The following SLC7A5 variants were observed in gnomAD, a reference collection of about 807,000 sequenced individuals.
SLC7A5 encodes the protein solute carrier family 7 member 5.
A neutral mutation model predicts 50.2 loss-of-function variants in SLC7A5; 23 were observed. That is an observed-to-expected ratio of 0.46 (90% confidence interval 0.33 to 0.65). The LOEUF is 0.65. Ranked by LOEUF, SLC7A5 falls within the 30% of genes least tolerant of loss-of-function variation. The pLI is 0.02. For synonymous variants in SLC7A5, 393 were observed against 330.6 expected, an observed-to-expected ratio of 1.19 and a Z score of -2.05; for missense variants, 578 against 684.4, an observed-to-expected ratio of 0.84 and a Z score of 1.73.
chr16:87,842,367 A>G (rs899117537), intron 2 of SLC7A5, among the ~76,000 whole-genome samples: 1 of 152,242 alleles, frequency 6.6e-6, no homozygotes, highest in Non-Finnish European at 1.5e-5. Context: ...AAGAAGGGGA[A>G]CCACCTTGGT....
At position 87,837,767 on chromosome 16, in the gene SLC7A5, A is replaced by C. The variant is rs375689832; in HGVS notation, c.1140+78T>G. On this transcript the variant is annotated intron_variant, in intron 7 of 9. Coordinates refer to ENST00000261622, the MANE Select transcript of SLC7A5 (RefSeq NM_003486.7). ...CAGTCCACACCCCAGACAGAGCTGC[A>C]AGCTGTGGCAGCCTCCCTCTGGGAG... is the stretch of plus-strand genomic sequence containing the variant. 18 of 1,194,632 alleles carry C rather than the reference A, an allele frequency of 1.5e-5. No individual in the cohort carries two copies. In the East Asian group the frequency reaches 4.2e-4, roughly 28 times the overall value. The allele number at this position is 1,194,632 out of a possible 1,614,324, so 74.0% of individuals were successfully genotyped here. A position where few individuals can be genotyped will look rare whatever the true frequency, so the allele number is the denominator to read the frequency against.
chr16:87,852,353 G>A lies in SLC7A5; in HGVS notation c.539-504C>T, dbSNP rs1024101021. ...CTGTGGATTCCAACAGAAGTGGGGTGTCCCGCTTTCCCGGAACTACCTGGC... is the reference window on the plus strand; with the variant it reads ...CTGTGGATTCCAACAGAAGTGGGGTATCCCGCTTTCCCGGAACTACCTGGC... On this transcript the variant is annotated intron_variant, in intron 1 of 9. Coordinates refer to ENST00000261622, the MANE Select transcript of SLC7A5 (RefSeq NM_003486.7). This position sits in a 1 kb window ranked among gnomAD's most constrained non-coding sequence, Gnocchi z 4.5. Among the ~76,000 whole-genome samples the A allele has an allele frequency of 2.0e-5, 3 of 152,216 alleles. No individual in the cohort carries two copies. The highest frequency in any genetic ancestry group is 1.9e-4 in the East Asian group (1 of 5,194).
chr16:87,854,035 C>A (rs1457902031), intron 1 of SLC7A5: 2 of 151,236 alleles, frequency 1.3e-5, no homozygotes, highest in Non-Finnish European at 2.9e-5. Context: ...GCCATCAGGG[C>A]TGTCACTGTG....
intron 3 of SLC7A5, 61 bp from the exon 4 acceptor site, chr16:87,840,534 G>A (rs11865049): frequency 0.054 from 75,476 of 1,401,502 alleles, 2,762 homozygotes; most frequent in South Asian, 0.15. Flanking sequence ...TAAATCACCG[G>A]GGAGAGAGCA....
chr16:87,850,375 G>A (rs1045861030), intron 2 of SLC7A5, among the ~76,000 whole-genome samples: 1 of 152,144 alleles, frequency 6.6e-6, no homozygotes, highest in Non-Finnish European at 1.5e-5. Flanking sequence ...GCTGGGTGAG[G>A]ACCTTCCTGC....
chr16:87,856,555 C>T (rs936805567), intron 1 of SLC7A5, among the ~76,000 whole-genome samples: 8 of 152,328 alleles, frequency 5.3e-5, no homozygotes, highest in East Asian at 3.9e-4. Flanking sequence ...TGGCCCCTAG[C>T]GGAGCCAGCA....
chr16:87,863,982 T>TAAAAAAAAA (rs200874231), intron 1 of SLC7A5, among the ~76,000 whole-genome samples: 1 of 107,932 alleles, frequency 9.3e-6, no homozygotes, highest in African/African-American at 3.8e-5. Context: ...TGTGATCATT[T>TAAAAAAAAA]AAAAATATAT....
chr16:87,845,786 G>A (rs67310965), intron 2 of SLC7A5, among the ~76,000 whole-genome samples: 42,798 of 152,060 alleles, frequency 0.28, 6,832 homozygotes, highest in East Asian at 0.66. Context: ...CTCCACAGGC[G>A]GGGAAAGACC....
intron 2 of SLC7A5, among the ~76,000 whole-genome samples, chr16:87,849,457 T>C (rs954977530): frequency 6.6e-6 from 1 of 152,170 alleles, no homozygotes; most frequent in African/African-American, 2.4e-5. Flanking sequence ...CTATTATGTA[T>C]TCAAGTCGAA....
Position 87,830,464 on chromosome 16 carries a change from A to C in SLC7A5, c.*2506T>G, listed in dbSNP as rs1400191375. On this transcript the variant is annotated 3_prime_UTR_variant, in exon 10 of 10. Coordinates refer to ENST00000261622, the MANE Select transcript of SLC7A5 (RefSeq NM_003486.7). ...GTGGAGTGTGGAGAAAAAGGGACGG[A>C]AAAATCAAGTCTTCTGAGACAGTCC... The C allele has an allele frequency of 6.6e-6, 1 of 152,302 alleles. No individual in the cohort carries two copies. Among genetic ancestry groups the C allele is most frequent in the Non-Finnish European group, 1.5e-5 (1 of 68,056 alleles). The allele number at this position is 152,302 out of a possible 1,614,324, so 9.4% of individuals were successfully genotyped here.
chr16:87,838,967 C>T (rs568300837), intron 5 of SLC7A5, 150 bp from the exon 6 acceptor site: 268 of 702,772 alleles, frequency 3.8e-4, no homozygotes, highest in Non-Finnish European at 6.1e-4. Flanking sequence ...ATTCTGGCCT[C>T]TGGGGGGACT....
Position 87,839,711 on chromosome 16 carries a change from G to C in SLC7A5, c.930C>G (p.Ala310=). 1 of 1,613,434 alleles carries C rather than the reference G, an allele frequency of 6.2e-7. No homozygotes were observed. Among genetic ancestry groups the C allele is most frequent in the Non-Finnish European group, 8.5e-7 (1 of 1,179,946 alleles). ...GCGGGTAGCGGCTCACCACGGCCAC[G>C]GCCTCGGACGACAGCATCTGCTCGG... ...LSTEQMLSSE[A]VAVDFGNYHL... The change falls in exon 5 of 10, where the codon GCC becomes GCG. Residue 310 remains alanine (A), a synonymous_variant. Transcript: ENST00000261622.
In SLC7A5 at chr16:87,836,070, C is replaced by T. The variant is rs185285385; in HGVS notation, c.1290+428G>A. On this transcript the variant is annotated intron_variant, in intron 8 of 9. Coordinates refer to ENST00000261622, the MANE Select transcript of SLC7A5 (RefSeq NM_003486.7). The stretch of plus-strand genomic sequence containing the variant: ...ACCCCTCTGAATGAGCCGCTGGGGA[C>T]GGGGAGAGTCCAGGAGAGTCCAGCT... 2.8e-3 allele frequency among the ~76,000 whole-genome samples: 425 copies of T among 152,298 alleles called. 3 individuals carry two copies. The highest frequency in any genetic ancestry group is 5.0e-3 in the Admixed American group (76 of 15,300).
At position 87,868,865 on chromosome 16, in the gene SLC7A5, G is replaced by A. The variant is rs1324691725; in HGVS notation, c.538+20C>T. 6.3e-7 allele frequency: 1 copy of A among 1,585,004 alleles called. No homozygotes were observed. On this transcript the variant is annotated intron_variant, in intron 1 of 9. Transcript: ENST00000261622. ...CAGAGACTACGACCTCCCAACCCCC[G>A]GCCCGCGCCCCGTACTCACGCACGC... is the stretch of plus-strand genomic sequence containing the variant.
At position 87,841,170 on chromosome 16, in the gene SLC7A5, G is replaced by A. The variant is rs780423088; in HGVS notation, c.665-15C>T. On this transcript the variant is annotated splice_polypyrimidine_tract_variant and intron_variant, in intron 2 of 9. Coordinates refer to ENST00000261622, the MANE Select transcript of SLC7A5 (RefSeq NM_003486.7). The surrounding 1 kb of genome is among the most constrained non-coding windows in gnomAD (Gnocchi z 4.8). ...GGACACATCACCTGGCAGGGCCAAA[G>A]AAAGGAATGCTGGGTTAGAGAGCGC... The A allele has an allele frequency of 6.4e-7, 1 of 1,555,142 alleles. No homozygotes were observed. The highest frequency in any genetic ancestry group is 1.7e-5 in the Admixed American group (1 of 59,974).
intron 2 of SLC7A5, among the ~76,000 whole-genome samples, chr16:87,850,937 C>T (rs977631736): frequency 1.3e-5 from 2 of 152,304 alleles, no homozygotes; most frequent in South Asian, 2.1e-4. Flanking sequence ...TGTCAGTCCA[C>T]GTCAACAGAG....
chr16:87,869,104 C>G lies in SLC7A5; in HGVS notation c.319G>C (p.Gly107Arg), dbSNP rs2055499487. The change falls in exon 1 of 10, where the codon GGC becomes CGC. Residue 107 changes from glycine to arginine, a missense_variant. Around this residue, in one of 2 missense-constraint regions of SLC7A5, gnomAD observed 465 missense variants for 594.6 expected, o/e 0.78. Transcript: ENST00000261622. ...CCGCCCGATTTGGAGATGGTGGTGC[C>G]GAGCTCCGCGTAGCAGAGCGCGCCC... is the stretch of plus-strand genomic sequence containing the variant. ...IVGALCYAELGTTISKSGGDY... is the reference protein window; with the variant it reads ...IVGALCYAELRTTISKSGGDY... The G allele has an allele frequency of 2.5e-6, 4 of 1,611,848 alleles. No individual in the cohort carries two copies. Among genetic ancestry groups the G allele is most frequent in the Non-Finnish European group, 2.5e-6 (3 of 1,179,770 alleles).
chr16:87,846,823 G>A (rs188374696), intron 2 of SLC7A5, among the ~76,000 whole-genome samples: 1 of 152,356 alleles, frequency 6.6e-6, no homozygotes, highest in Non-Finnish European at 1.5e-5. Flanking sequence ...CAGGGCGTGA[G>A]GTGAGGAAAA....
At chr16:87,865,076 C>T (rs2055443875) in intron 1 of SLC7A5, among the ~76,000 whole-genome samples, 1 of 152,188 alleles carries the variant, frequency 6.6e-6, no homozygotes, top group South Asian at 2.1e-4. Flanking sequence ...ACACCTCCCT[C>T]TCTCAGCAGG....
Sources: gnomAD v4.1 joint callset for allele counts (sites outside exome capture counted in the v4.1 genomes callset) on GRCh38, gnomAD v4.1.1 for gene constraint, gnomAD v4.1.1 regional missense constraint, Gnocchi (gnomAD v3.1) non-coding constraint, MANE v1.5 for transcripts, NCBI Gene and HGNC (gene_info 2026-07-23, HGNC 2026-07-21) for gene names.